The following CACNA1C variants were observed in gnomAD, a reference collection of about 807,000 sequenced individuals.
The protein encoded by CACNA1C is voltage-dependent L-type calcium channel subunit alpha-1C.
In CACNA1C, 30 loss-of-function variants were observed where a neutral mutation model predicts 229.0. The ratio of observed to expected loss-of-function variants is 0.13; its 90% CI spans 0.10 to 0.18. The LOEUF is 0.18. CACNA1C is among the 10% of genes least tolerant of loss of function. CACNA1C has a pLI of 1.00. For missense variants in CACNA1C, 1,658 were observed against 2,845.0 expected (o/e 0.58, Z 9.49); for synonymous variants, 1,114 against 1,132.5 (o/e 0.98, Z 0.33).
chr12:2,154,004 G>A lies in CACNA1C; in HGVS notation c.477+33574G>A, dbSNP rs558429698. ...CTTTCTCCCAAAATGCTGGGTAGAG[G>A]TTCTTTAAAATTCAAGAAAAAAATC... is the stretch of plus-strand genomic sequence containing the variant. On this transcript the variant is annotated intron_variant, in intron 3 of 46. Transcript: ENST00000399655. Among the ~76,000 whole-genome samples, 10 of 152,006 alleles carry A rather than the reference G, an allele frequency of 6.6e-5. No individual in the cohort carries two copies. In the East Asian group the frequency reaches 1.9e-3, roughly 29 times the overall value.
intron 3 of CACNA1C, among the ~76,000 whole-genome samples, chr12:2,284,505 C>T (rs1169480727): frequency 6.6e-6 from 1 of 152,126 alleles, no homozygotes; most frequent in African/African-American, 2.4e-5. Flanking sequence ...GCCCTCCAGG[C>T]GGGCATACTG....
intron 3 of CACNA1C, among the ~76,000 whole-genome samples, chr12:2,203,645 G>A (rs74869122): frequency 0.055 from 8,338 of 152,202 alleles, 736 homozygotes; most frequent in African/African-American, 0.19. Context: ...TCTGAATGTA[G>A]GGAAAGAGAG....
intron 3 of CACNA1C, among the ~76,000 whole-genome samples, chr12:2,121,198 A>G (rs1250706652): frequency 2.0e-5 from 3 of 152,206 alleles, no homozygotes; most frequent in Admixed American, 2.0e-4. Context: ...TTGCAGAGAC[A>G]CCGTCACTCT....
chr12:2,061,354 T>C (rs1437192839), intron 1 of CACNA1C, among the ~76,000 whole-genome samples: 2 of 152,204 alleles, frequency 1.3e-5, no homozygotes, highest in Admixed American at 1.3e-4. Flanking sequence ...GTGGGAGGGC[T>C]GACATTATTC....
chr12:2,033,645 A>C (rs2048604267), intron 1 of CACNA1C, among the ~76,000 whole-genome samples: 1 of 152,200 alleles, frequency 6.6e-6, no homozygotes, highest in Non-Finnish European at 1.5e-5. Context: ...ACAACAACAC[A>C]ACAACAACAA....
intron 13 of CACNA1C, among the ~76,000 whole-genome samples, chr12:2,572,884 CTCT>C (rs1466204119): frequency 9.2e-4 from 111 of 121,172 alleles, no homozygotes; most frequent in Non-Finnish European, 1.7e-3. Flanking sequence ...TCTTCTTCTC[CTCT>C]CCTCCTCTTC....
intron 3 of CACNA1C, among the ~76,000 whole-genome samples, chr12:2,171,882 A>T (rs921378479): frequency 6.6e-6 from 1 of 152,176 alleles, no homozygotes; most frequent in Non-Finnish European, 1.5e-5. Flanking sequence ...AGAGCCACTC[A>T]TGATAGGTCT....
At chr12:2,237,001 C>T (rs1422043152) in intron 3 of CACNA1C, among the ~76,000 whole-genome samples, 2 of 152,192 alleles carry the variant, frequency 1.3e-5, no homozygotes, top group African/African-American at 4.8e-5. Flanking sequence ...TACTCTTGTT[C>T]TTCTGGTTTG....
At position 2,180,164 on chromosome 12, in the gene CACNA1C, T is replaced by C. The variant is rs1009518449; in HGVS notation, c.477+59734T>C. Among the ~76,000 whole-genome samples, 4 of 152,248 alleles carry C rather than the reference T, an allele frequency of 2.6e-5. No homozygotes were observed. The East Asian group carries it at 7.7e-4, about 29-fold the overall frequency. ...CACGGTAGATGGATGGATGAAGCCTTCATTCTGAGTAAACACGCATGCAAG... is the reference window on the plus strand; with the variant it reads ...CACGGTAGATGGATGGATGAAGCCTCCATTCTGAGTAAACACGCATGCAAG... On this transcript the variant is annotated intron_variant, in intron 3 of 46. Transcript: ENST00000399655.
chr12:2,680,684 C>T (rs928592456), intron 42 of CACNA1C: 16 of 855,548 alleles, frequency 1.9e-5, no homozygotes, highest in Non-Finnish European at 2.9e-5. Context: ...CTGCCGCTGG[C>T]CTGCCTGTCC....
chr12:1,978,065 G>T (rs1376817518), intron 1 of CACNA1C, among the ~76,000 whole-genome samples: 1 of 152,180 alleles, frequency 6.6e-6, no homozygotes, highest in Non-Finnish European at 1.5e-5. Context: ...GAAGTGGAAG[G>T]TTAATTCCTT....
intron 34 of CACNA1C, chr12:2,660,297 A>C (rs557391112): frequency 6.6e-6 from 1 of 152,186 alleles, no homozygotes; most frequent in East Asian, 1.9e-4. Context: ...GGAGAGAAAG[A>C]TATTTCTAGA....
chr12:2,446,642 A>G (rs980712366), intron 3 of CACNA1C, among the ~76,000 whole-genome samples: 1 of 149,434 alleles, frequency 6.7e-6, no homozygotes, highest in Admixed American at 6.7e-5. Context: ...AGGTGGATAG[A>G]TGAATGGATG....
chr12:2,478,569 G>A (rs1472574306), intron 5 of CACNA1C, among the ~76,000 whole-genome samples: 1 of 152,170 alleles, frequency 6.6e-6, no homozygotes, highest in African/African-American at 2.4e-5. Flanking sequence ...AAATAACAAT[G>A]GCTGTCACTG....
At chr12:2,609,319 C>T (rs914186128) in intron 27 of CACNA1C, among the ~76,000 whole-genome samples, 1 of 152,008 alleles carries the variant, frequency 6.6e-6, no homozygotes, top group Non-Finnish European at 1.5e-5. Context: ...TTCCCTAGCT[C>T]GGCTCCCACT....
chr12:2,180,485 C>G (rs2239017), intron 3 of CACNA1C, among the ~76,000 whole-genome samples: 69,903 of 152,054 alleles, frequency 0.46, 16,762 homozygotes, highest in African/African-American at 0.59. Context: ...ATTTTGGGAG[C>G]AGAGGCTAAA....
At chr12:2,345,165 A>G (rs969779063) in intron 3 of CACNA1C, among the ~76,000 whole-genome samples, 20 of 151,716 alleles carry the variant, frequency 1.3e-4, no homozygotes, top group African/African-American at 4.4e-4. Context: ...CTCTGAGAGT[A>G]GGAAGAGGGC....
intron 9 of CACNA1C, among the ~76,000 whole-genome samples, chr12:2,529,791 G>A (rs10848670): frequency 6.6e-6 from 1 of 151,980 alleles, no homozygotes; most frequent in Non-Finnish European, 1.5e-5. Context: ...CTTCAAACCT[G>A]TCCACGGAAG....
At chr12:2,107,926 C>T (rs1471500633) in intron 1 of CACNA1C, among the ~76,000 whole-genome samples, 1 of 152,210 alleles carries the variant, frequency 6.6e-6, no homozygotes, top group Non-Finnish European at 1.5e-5. Flanking sequence ...ACCTGTGTTG[C>T]CCAGTGTGGG....
Sources: gnomAD v4.1 joint callset for allele counts (sites outside exome capture counted in the v4.1 genomes callset) on GRCh38, gnomAD v4.1.1 for gene constraint, MANE v1.5 for transcripts, NCBI Gene and HGNC (gene_info 2026-07-23, HGNC 2026-07-21) for gene names.